The following RIT2 variants were observed in gnomAD, a reference collection of about 807,000 sequenced individuals.
RIT2 encodes the protein GTP-binding protein Rit2.
A neutral mutation model predicts 23.7 loss-of-function variants in RIT2; 24 were observed. The observed-to-expected ratio is 1.01, with a 90% CI of 0.73 to 1.43. The LOEUF (loss-of-function observed/expected upper bound fraction) is 1.43. Ranked by LOEUF, RIT2 falls within the 40% of genes most tolerant of loss-of-function variation. The pLI is 0.00. For missense variants in RIT2, 236 were observed against 266.9 expected (o/e 0.88, Z 0.81); for synonymous variants, 107 against 91.1 (o/e 1.17, Z -0.99).
intron 4 of RIT2, among the ~76,000 whole-genome samples, chr18:42,903,307 C>T (rs1304753232): frequency 2.0e-5 from 3 of 152,016 alleles, no homozygotes; most frequent in Admixed American, 2.0e-4. Context: ...CTTGTTTCTA[C>T]AGCCCCAAAA....
intron 1 of RIT2, among the ~76,000 whole-genome samples, chr18:43,036,401 G>T (rs1309593706): frequency 6.6e-6 from 1 of 152,082 alleles, no homozygotes; most frequent in Non-Finnish European, 1.5e-5. Context: ...TCAGCCGGGC[G>T]TGGTGGCGCA....
intron 1 of RIT2, among the ~76,000 whole-genome samples, chr18:43,076,424 G>A (rs1913019294): frequency 6.6e-6 from 1 of 151,486 alleles, no homozygotes; most frequent in Non-Finnish European, 1.5e-5. Flanking sequence ...GCAGTGAACA[G>A]GAAAAAAAGC....
rs112371942 is a variant in RIT2, at chr18:42,944,963, G to C, written c.235-21200C>G. Among the ~76,000 whole-genome samples the C allele has an allele frequency of 7.6e-3, 1,156 of 152,186 alleles. 8 individuals carry two copies. Among genetic ancestry groups the C allele is most frequent in the Middle Eastern group, 0.048 (14 of 294 alleles). Reference sequence around the variant, plus strand: ...GCATTGAACCATCTAGGAGAGACAAGAGGGCAGTTGCAATGATTAAAGGAG... The same window carrying C: ...GCATTGAACCATCTAGGAGAGACAACAGGGCAGTTGCAATGATTAAAGGAG... On this transcript the variant is annotated intron_variant, in intron 3 of 4. Coordinates refer to ENST00000326695, the MANE Select transcript of RIT2 (RefSeq NM_002930.4).
chr18:42,931,210 T>C (rs1020314188), intron 3 of RIT2, among the ~76,000 whole-genome samples: 1 of 152,160 alleles, frequency 6.6e-6, no homozygotes, highest in Admixed American at 6.6e-5. Flanking sequence ...TAAATGTTTT[T>C]AAATATGTTA....
intron 1 of RIT2, among the ~76,000 whole-genome samples, chr18:43,061,886 G>T (rs1438594559): frequency 8.6e-5 from 13 of 152,030 alleles, no homozygotes; most frequent in Non-Finnish European, 1.5e-4. Context: ...GCTAAACTGA[G>T]GAATGAAAAA....
chr18:43,110,170 A>T lies in RIT2; in HGVS notation c.103+5247T>A, dbSNP rs936169307. On this transcript the variant is annotated intron_variant, in intron 1 of 4. Coordinates refer to ENST00000326695, the MANE Select transcript of RIT2 (RefSeq NM_002930.4). Reference sequence around the variant, plus strand: ...GCAAAATATGATCATTATGAATCTTAAATTATTTAAATCTTAAAACATTAT... The same window carrying T: ...GCAAAATATGATCATTATGAATCTTTAATTATTTAAATCTTAAAACATTAT... Among the ~76,000 whole-genome samples the T allele has an allele frequency of 7.9e-5, 12 of 152,110 alleles. 1 individual carries two copies. The highest frequency in any genetic ancestry group is 7.2e-4 in the Admixed American group (11 of 15,248).
chr18:43,000,866 T>C (rs574201133), intron 2 of RIT2, among the ~76,000 whole-genome samples: 1 of 152,104 alleles, frequency 6.6e-6, no homozygotes, highest in South Asian at 2.1e-4. Context: ...TTTATAGCAG[T>C]GTGAAAATGG....
chr18:43,040,590 T>C (rs1281946580), intron 1 of RIT2, among the ~76,000 whole-genome samples: 1 of 152,132 alleles, frequency 6.6e-6, no homozygotes, highest in East Asian at 1.9e-4. Context: ...TGTGACAGAA[T>C]GTTAAGTAAA....
chr18:42,932,354 T>G (rs559944497), intron 3 of RIT2, among the ~76,000 whole-genome samples: 1 of 152,294 alleles, frequency 6.6e-6, no homozygotes, highest in East Asian at 1.9e-4. Flanking sequence ...CATTTCACTA[T>G]CTGATTACTC....
At chr18:42,834,632 G>A (rs1906548874) in intron 4 of RIT2, among the ~76,000 whole-genome samples, 1 of 151,980 alleles carries the variant, frequency 6.6e-6, no homozygotes, top group Non-Finnish European at 1.5e-5. Context: ...AGTAAAATAA[G>A]ATTATATAAA....
At chr18:42,749,055 G>C (rs1912984068) in intron 4 of RIT2, among the ~76,000 whole-genome samples, 2 of 151,882 alleles carry the variant, frequency 1.3e-5, no homozygotes, top group Non-Finnish European at 2.9e-5. Flanking sequence ...TTCTCTTCAA[G>C]TTAACTTGGA....
intron 2 of RIT2, among the ~76,000 whole-genome samples, chr18:43,010,854 T>C (rs1202602750): frequency 1.3e-5 from 2 of 151,812 alleles, no homozygotes; most frequent in Non-Finnish European, 2.9e-5. Context: ...CATAATTTAT[T>C]GAGAAACATG....
At chr18:42,945,967 C>T (rs1022136499) in intron 3 of RIT2, among the ~76,000 whole-genome samples, 5 of 152,156 alleles carry the variant, frequency 3.3e-5, no homozygotes, top group Non-Finnish European at 5.9e-5. Flanking sequence ...CACTAATTGG[C>T]TAATGTTTTT....
Position 42,943,970 on chromosome 18 carries a change from C to CT in RIT2, c.235-20208_235-20207insA, listed in dbSNP as rs201426894. On this transcript the variant is annotated intron_variant, in intron 3 of 4. Coordinates refer to ENST00000326695, the MANE Select transcript of RIT2 (RefSeq NM_002930.4). ...CATCACTATGGGGTAATCCCCACCC[C>CT]ATTCCCTTACTTTATTGCAATAGAC... 9.8e-3 allele frequency among the ~76,000 whole-genome samples: 1,495 copies of CT among 152,244 alleles called. 7 individuals carry two copies. Among genetic ancestry groups the CT allele is most frequent in the Non-Finnish European group, 0.017 (1,155 of 67,998 alleles).
At chr18:42,968,839 G>T (rs1381269675) in intron 3 of RIT2, among the ~76,000 whole-genome samples, 1 of 152,142 alleles carries the variant, frequency 6.6e-6, no homozygotes, top group Non-Finnish European at 1.5e-5. Flanking sequence ...ATAGTAACAG[G>T]ATACCTGTAT....
chr18:43,094,412 T>A (rs143204287), intron 1 of RIT2, among the ~76,000 whole-genome samples: 1 of 152,070 alleles, frequency 6.6e-6, no homozygotes, highest in African/African-American at 2.4e-5. Flanking sequence ...TATTTTCTTT[T>A]AGCTGGTTCT....
At chr18:43,092,917 C>G (rs546002265) in intron 1 of RIT2, among the ~76,000 whole-genome samples, 15 of 152,096 alleles carry the variant, frequency 9.9e-5, no homozygotes, top group South Asian at 8.3e-4. Flanking sequence ...AAAAGTTACA[C>G]GTTAAATAAT....
chr18:42,919,475 C>A (rs915114817), intron 4 of RIT2, among the ~76,000 whole-genome samples: 2 of 152,022 alleles, frequency 1.3e-5, no homozygotes, highest in African/African-American at 4.8e-5. Flanking sequence ...GCACTTTGGG[C>A]AGCCGAGGCT....
intron 4 of RIT2, among the ~76,000 whole-genome samples, chr18:42,902,751 G>C (rs914640928): frequency 2.0e-5 from 3 of 151,176 alleles, no homozygotes; most frequent in Non-Finnish European, 3.0e-5. Context: ...AACAATAAGA[G>C]AGTTAAAAAA....
Sources: allele counts gnomAD v4.1 joint callset (sites outside exome capture counted in the v4.1 genomes callset), GRCh38; gene constraint gnomAD v4.1.1; transcripts MANE v1.5; gene names NCBI Gene and HGNC (gene_info 2026-07-23, HGNC 2026-07-21).